Variants in DPP6 observed in about 807,000 individuals in gnomAD.
DPP6 encodes dipeptidyl peptidase like 6, also known as A-type potassium channel modulatory protein DPP6.
Under a neutral mutation model 122.6 loss-of-function variants are expected in DPP6, and 69 were observed. The ratio of observed to expected loss-of-function variants is 0.56; its 90% confidence interval spans 0.46 to 0.69. The LOEUF (loss-of-function observed/expected upper bound fraction) is 0.69. DPP6 is among the 30% of genes least tolerant of loss of function. The probability of loss-of-function intolerance (pLI) is 0.00; values close to 1 mark genes in which losing one functional copy is unlikely to be tolerated. For missense variants in DPP6, 928 were observed against 1,116.9 expected, an observed-to-expected ratio of 0.83 and a Z score of 2.41; for synonymous variants, 418 against 433.1, an observed-to-expected ratio of 0.97 and a Z score of 0.43.
chr7:154,311,497 C>CAAAAAA (rs1423467022), intron 1 of DPP6, among the ~76,000 whole-genome samples: 3 of 116,600 alleles, frequency 2.6e-5, no homozygotes, highest in African/African-American at 1.1e-4. Flanking sequence ...ACCCTGTCTC[C>CAAAAAA]ACAAAAAAAA....
chr7:154,528,084 T>G (rs1000267761), intron 3 of DPP6, among the ~76,000 whole-genome samples: 15 of 152,146 alleles, frequency 9.9e-5, no homozygotes, highest in Non-Finnish European at 2.9e-5. Flanking sequence ...AAGAATCGCA[T>G]AGGTACACAG....
chr7:154,493,216 C>T (rs1042977597), intron 3 of DPP6, among the ~76,000 whole-genome samples: 2 of 152,168 alleles, frequency 1.3e-5, no homozygotes, highest in South Asian at 2.1e-4. Flanking sequence ...TCAATAACTT[C>T]GTTAAGCCTC....
intron 17 of DPP6, among the ~76,000 whole-genome samples, chr7:154,859,774 C>G (rs1276354345): frequency 6.6e-6 from 1 of 152,184 alleles, no homozygotes; most frequent in East Asian, 1.9e-4. Flanking sequence ...CCAACAAAAT[C>G]ATAGTGAATA....
At chr7:154,417,655 C>A (rs1428395979) in intron 1 of DPP6, among the ~76,000 whole-genome samples, 3 of 152,176 alleles carry the variant, frequency 2.0e-5, no homozygotes, top group Admixed American at 2.0e-4. Flanking sequence ...TCAAGTCGGA[C>A]AGTTCATTCA....
At chr7:154,350,278 G>A (rs766424807) in intron 1 of DPP6, among the ~76,000 whole-genome samples, 4 of 152,140 alleles carry the variant, frequency 2.6e-5, no homozygotes, top group African/African-American at 4.8e-5. Context: ...GTGTAAGGTT[G>A]GGATAATTTT....
Position 154,023,318 on chromosome 7 carries a change from G to A in DPP6, c.51+135584G>A, listed in dbSNP as rs1382787964. Among the ~76,000 whole-genome samples the A allele has an allele frequency of 3.5e-4, 45 of 129,618 alleles. 1 individual carries two copies. Among genetic ancestry groups the A allele is most frequent in the Middle Eastern group, 7.8e-3 (2 of 258 alleles). 85.0% of individuals were successfully genotyped at this position (129,618 alleles called of 152,430 possible). ...CAGGCTCTGGAAATGTTTCTTGTCT[G>A]CACACACACACACACACACACACAC... On this transcript the variant is annotated intron_variant, in intron 1 of 25. Transcript: ENST00000404039.
intron 1 of DPP6, among the ~76,000 whole-genome samples, chr7:153,939,040 A>T (rs577026341): frequency 5.9e-5 from 9 of 152,118 alleles, no homozygotes; most frequent in Admixed American, 5.2e-4. Flanking sequence ...AATAAAATGC[A>T]TTTTTTTTCT....
the DPP6 span, among the ~76,000 whole-genome samples, chr7:153,766,965 T>C: frequency 3.9e-5 from 6 of 152,168 alleles, no homozygotes; most frequent in Non-Finnish European, 8.8e-5. Flanking sequence ...TACCATTCTA[T>C]GGGGTTGTGG....
intron 1 of DPP6, among the ~76,000 whole-genome samples, chr7:154,145,356 C>A (rs1372047883): frequency 6.6e-6 from 1 of 152,102 alleles, no homozygotes; most frequent in Admixed American, 6.5e-5. Flanking sequence ...GAAAGAAAGA[C>A]CCGAGTCCTA....
intron 1 of DPP6, among the ~76,000 whole-genome samples, chr7:154,033,976 A>T (rs547907351): frequency 1.3e-4 from 20 of 152,314 alleles, no homozygotes; most frequent in Non-Finnish European, 2.5e-4. Context: ...GTTTATAGAG[A>T]TTAACAGAAT....
At position 154,346,630 on chromosome 7, in the gene DPP6, AC is replaced by A. The variant is rs994062958; in HGVS notation, c.244-99577del. Reference sequence around the variant, plus strand: ...GCCCTCCTTCACACTTTTAATTGGGACCCCCCCTGTGTCTTGAGGGACTCTG... The same window carrying A: ...GCCCTCCTTCACACTTTTAATTGGGACCCCCCTGTGTCTTGAGGGACTCTG... On this transcript the variant is annotated intron_variant, in intron 1 of 25. Coordinates refer to ENST00000377770, the MANE Select transcript of DPP6 (RefSeq NM_130797.4). Among the ~76,000 whole-genome samples the A allele has an allele frequency of 8.7e-5, 13 of 149,702 alleles. No individual in the cohort carries two copies. In the South Asian group the frequency reaches 1.7e-3, roughly 20 times the overall value.
At chr7:153,837,259 G>T in the DPP6 span, among the ~76,000 whole-genome samples, 5 of 151,256 alleles carry the variant, frequency 3.3e-5, no homozygotes, top group Admixed American at 1.3e-4. Flanking sequence ...CTAAAAATGT[G>T]TTTTTTTTTG....
intron 2 of DPP6, among the ~76,000 whole-genome samples, chr7:154,459,462 A>G (rs1371744780): frequency 2.0e-5 from 3 of 152,216 alleles, no homozygotes; most frequent in South Asian, 4.1e-4. Flanking sequence ...AGGTATGAGT[A>G]TATGTTTATG....
chr7:153,761,527 T>A, the DPP6 span, among the ~76,000 whole-genome samples: 2 of 152,210 alleles, frequency 1.3e-5, no homozygotes, highest in African/African-American at 4.8e-5. Flanking sequence ...TTTTCATGAA[T>A]GTCACCTTAT....
At chr7:154,094,012 G>C (rs902671763) in intron 1 of DPP6, 1 of 152,154 alleles carries the variant, frequency 6.6e-6, no homozygotes, top group Admixed American at 6.5e-5. Context: ...CAATTTCTAA[G>C]TCTGAAAAGG....
At chr7:154,223,336 T>G (rs1223559880) in intron 1 of DPP6, among the ~76,000 whole-genome samples, 1 of 149,406 alleles carries the variant, frequency 6.7e-6, no homozygotes, top group Non-Finnish European at 1.5e-5. Context: ...CAAATATTCT[T>G]TAAGCATCCA....
At chr7:154,036,018 GCT>G (rs1491063811) in intron 1 of DPP6, among the ~76,000 whole-genome samples, 252 of 102,092 alleles carry the variant, frequency 2.5e-3, no homozygotes, top group African/African-American at 4.6e-3. Flanking sequence ...ACGCGCGCGC[GCT>G]TGTGTGTGTG....
At chr7:154,850,805 T>C (rs12719630) in intron 16 of DPP6, among the ~76,000 whole-genome samples, 24,272 of 152,184 alleles carry the variant, frequency 0.16, 1,948 homozygotes, top group South Asian at 0.23. Context: ...CTCTTTCATT[T>C]CTGATTTTAT....
Position 154,877,640 on chromosome 7 carries a change from C to G in DPP6, c.2078+1540C>G, listed in dbSNP as rs1247167220. On this transcript the variant is annotated intron_variant, in intron 20 of 25. Transcript: ENST00000377770. The surrounding 1 kb of genome is among the most constrained non-coding windows in gnomAD (Gnocchi z 5.2). ...TGGCTCCATGCTTCGTCATCTACCT[C>G]CAGCAGGTTGGGGAGGAAACCACTT... is the stretch of plus-strand genomic sequence containing the variant. Among the ~76,000 whole-genome samples the G allele has an allele frequency of 2.0e-5, 3 of 152,156 alleles. No homozygotes were observed. Among genetic ancestry groups the G allele is most frequent in the Non-Finnish European group, 4.4e-5 (3 of 68,038 alleles).
Sources: allele counts gnomAD v4.1 joint callset (sites outside exome capture counted in the v4.1 genomes callset), GRCh38; gene constraint gnomAD v4.1.1; non-coding constraint Gnocchi (gnomAD v3.1); transcripts MANE v1.5; gene names NCBI Gene and HGNC (gene_info 2026-07-23, HGNC 2026-07-21).